SLC9A2: variants seen among roughly 807,000 people sequenced by gnomAD.
The protein encoded by SLC9A2 is solute carrier family 9 member A2.
SLC9A2 carries 42 observed loss-of-function variants against 71.7 expected under a neutral mutation model. The observed-to-expected ratio is 0.59, with a 90% CI of 0.46 to 0.76. The LOEUF (loss-of-function observed/expected upper bound fraction) is 0.76, where lower values mean the gene tolerates loss of function less well. Ranked by LOEUF, SLC9A2 falls within the 30% of genes least tolerant of loss-of-function variation. The pLI is 0.00. For synonymous variants in SLC9A2, 396 were observed against 392.5 expected, an observed-to-expected ratio of 1.01 and a Z score of -0.10; for missense variants, 829 against 1,017.4, an observed-to-expected ratio of 0.81 and a Z score of 2.52.
intron 2 of SLC9A2, among the ~76,000 whole-genome samples, chr2:102,660,817 A>T (rs1677034232): frequency 6.6e-6 from 1 of 152,234 alleles, no homozygotes; most frequent in South Asian, 2.1e-4. Flanking sequence ...ACCATGATGC[A>T]TACGGCAAAA....
intron 1 of SLC9A2, among the ~76,000 whole-genome samples, chr2:102,621,202 G>T (rs1676129478): frequency 6.6e-6 from 1 of 151,620 alleles, no homozygotes; most frequent in Non-Finnish European, 1.5e-5. Flanking sequence ...CTGGTGTTGT[G>T]GTGCACATAT....
chr2:102,694,758 T>G (rs957701088), intron 6 of SLC9A2, among the ~76,000 whole-genome samples: 1 of 152,202 alleles, frequency 6.6e-6, no homozygotes, highest in African/African-American at 2.4e-5. Context: ...TCCTTTAGCC[T>G]GGAAATGTTC....
chr2:102,623,578 C>A (rs1676185912), intron 1 of SLC9A2, among the ~76,000 whole-genome samples: 1 of 152,134 alleles, frequency 6.6e-6, no homozygotes, highest in Non-Finnish European at 1.5e-5. Context: ...TCTCTTTCAA[C>A]TTTTGTTCTG....
At chr2:102,685,908 G>A (rs11889631) in intron 5 of SLC9A2, among the ~76,000 whole-genome samples, 32,287 of 152,100 alleles carry the variant, frequency 0.21, 3,696 homozygotes, top group East Asian at 0.34. Flanking sequence ...GATTGTGAAG[G>A]GAGTGAAAAT....
At chr2:102,627,720 A>G (rs574123727) in intron 1 of SLC9A2, among the ~76,000 whole-genome samples, 1 of 152,166 alleles carries the variant, frequency 6.6e-6, no homozygotes, top group Admixed American at 6.5e-5. Context: ...CTGCTCTTAC[A>G]TTTATGATTT....
In SLC9A2 at chr2:102,709,214, T is replaced by G. The variant is rs575447285; in HGVS notation, c.*725T>G. ...GGTGACATCTAAATTCCATTTCTTC[T>G]TCTTGTTTAAATGGTGCAGAGAGAA... On this transcript the variant is annotated 3_prime_UTR_variant, in exon 12 of 12. Transcript: ENST00000233969. 1 of 152,454 alleles carries G rather than the reference T, an allele frequency of 6.6e-6. No individual in the cohort carries two copies. Among genetic ancestry groups the G allele is most frequent in the Non-Finnish European group, 1.5e-5 (1 of 68,092 alleles). The allele number at this position is 152,454 out of a possible 1,614,324, so 9.4% of individuals were successfully genotyped here.
At chr2:102,700,915 G>A (rs1238659262) in intron 7 of SLC9A2, among the ~76,000 whole-genome samples, 155 bp from the exon 8 acceptor site, 6 of 151,872 alleles carry the variant, frequency 4.0e-5, no homozygotes, top group Admixed American at 3.9e-4. Context: ...ATATATACAG[G>A]TAGGCACATA....
chr2:102,632,188 A>T, intron 1 of SLC9A2, among the ~76,000 whole-genome samples: 1 of 141,144 alleles, frequency 7.1e-6, no homozygotes, highest in African/African-American at 2.7e-5. Flanking sequence ...ATACATATAT[A>T]TATAAATGAA....
intron 3 of SLC9A2, among the ~76,000 whole-genome samples, chr2:102,669,212 T>G (rs1677199117): frequency 6.6e-6 from 1 of 152,352 alleles, no homozygotes; most frequent in East Asian, 1.9e-4. Flanking sequence ...ACAAAATATT[T>G]GGAGAGATGT....
At chr2:102,657,119 T>C (rs1374126930) in intron 1 of SLC9A2, among the ~76,000 whole-genome samples, 2 of 151,784 alleles carry the variant, frequency 1.3e-5, no homozygotes, top group Admixed American at 6.6e-5. Context: ...GCAGGGAGAA[T>C]TGCTTGAACC....
chr2:102,668,550 C>A (rs1012019494), intron 3 of SLC9A2, among the ~76,000 whole-genome samples: 2 of 152,168 alleles, frequency 1.3e-5, no homozygotes, highest in African/African-American at 2.4e-5. Context: ...GTACTAATTA[C>A]GCTCTCTCTT....
At chr2:102,680,258 CAT>C (rs1211851266) in intron 3 of SLC9A2, among the ~76,000 whole-genome samples, 2 of 151,824 alleles carry the variant, frequency 1.3e-5, no homozygotes, top group Non-Finnish European at 2.9e-5. Context: ...ATATATAAAA[CAT>C]GTTATAATTC....
chr2:102,691,010 C>G (rs1677650881), intron 5 of SLC9A2, among the ~76,000 whole-genome samples: 1 of 149,046 alleles, frequency 6.7e-6, no homozygotes, highest in African/African-American at 2.5e-5. Context: ...GCTCATGACA[C>G]TCACATCGCA....
rs1346641567 is a variant in SLC9A2 at position 102,684,323 on chromosome 2, C to T, written c.1412C>T (p.Thr471Ile). The change falls in exon 5 of 12, where the codon ACT becomes ATT. Residue 471 changes from threonine (T) to isoleucine (I), a missense_variant. Transcript: ENST00000233969. ...ITAAIVVIFF[T>I]VFILGITIRP... The stretch of plus-strand genomic sequence containing the variant: ...GCTGCCATTGTTGTCATATTCTTTA[C>T]TGTCTTCATTCTGGTAAGTAGAGTG... 1 of 1,613,814 alleles carries T rather than the reference C, an allele frequency of 6.2e-7. No homozygotes were observed. Among genetic ancestry groups the T allele is most frequent in the Non-Finnish European group, 8.5e-7 (1 of 1,179,738 alleles).
At chr2:102,679,804 G>A (rs929090857) in intron 3 of SLC9A2, among the ~76,000 whole-genome samples, 1 of 152,130 alleles carries the variant, frequency 6.6e-6, no homozygotes, top group African/African-American at 2.4e-5. Flanking sequence ...TAATTTCAGA[G>A]GGAAATGTTT....
At chr2:102,620,665 A>G (rs1025598280) in intron 1 of SLC9A2, among the ~76,000 whole-genome samples, 1 of 152,076 alleles carries the variant, frequency 6.6e-6, no homozygotes, top group African/African-American at 2.4e-5. Context: ...TCCTCCCTCT[A>G]TTGGGTTGAG....
chr2:102,691,240 T>C (rs1331515787), intron 5 of SLC9A2, among the ~76,000 whole-genome samples: 2 of 152,226 alleles, frequency 1.3e-5, no homozygotes, highest in African/African-American at 4.8e-5. Context: ...AAAATTTAAC[T>C]TGTATTTGCA....
At chr2:102,643,583 T>G (rs1248854674) in intron 1 of SLC9A2, among the ~76,000 whole-genome samples, 1 of 152,224 alleles carries the variant, frequency 6.6e-6, no homozygotes, top group African/African-American at 2.4e-5. Flanking sequence ...CCCAGAGAAC[T>G]GAATGCCATG....
At chr2:102,670,114 C>T (rs901855679) in intron 3 of SLC9A2, among the ~76,000 whole-genome samples, 8 of 151,584 alleles carry the variant, frequency 5.3e-5, no homozygotes, top group Non-Finnish European at 1.2e-4. Flanking sequence ...TCACTGCAAG[C>T]TCACCTCCCA....
Sources: allele counts gnomAD v4.1 joint callset (sites outside exome capture counted in the v4.1 genomes callset), GRCh38; gene constraint gnomAD v4.1.1; transcripts MANE v1.5; gene names NCBI Gene and HGNC (gene_info 2026-07-23, HGNC 2026-07-21).